NUDT3: variants seen among roughly 807,000 people sequenced by gnomAD.
The protein encoded by NUDT3 is diphosphoinositol polyphosphate phosphohydrolase 1.
NUDT3 carries 9 observed loss-of-function variants against 23.6 expected under a neutral mutation model. The ratio of observed to expected loss-of-function variants is 0.38; its 90% CI spans 0.23 to 0.66. The LOEUF is 0.66. Ranked by LOEUF, NUDT3 falls within the 30% of genes least tolerant of loss-of-function variation. The pLI is 0.52. For missense variants in NUDT3, 172 were observed against 218.5 expected, an observed-to-expected ratio of 0.79 and a Z score of 1.34; for synonymous variants, 86 against 82.6, an observed-to-expected ratio of 1.04 and a Z score of -0.22.
At chr6:34,297,550 G>GTT (rs59167136) in intron 2 of NUDT3, among the ~76,000 whole-genome samples, 2 of 131,344 alleles carry the variant, frequency 1.5e-5, no homozygotes, top group African/African-American at 2.8e-5. Context: ...AAAAGTCATT[G>GTT]TTTTTTTTTT....
chr6:34,380,919 TA>T (rs1388335459), intron 1 of NUDT3, among the ~76,000 whole-genome samples: 1 of 152,326 alleles, frequency 6.6e-6, no homozygotes, highest in East Asian at 1.9e-4. Context: ...GCCTGCTCCA[TA>T]AAGTCATCCC....
At chr6:34,321,064 A>ATG (rs1296411087) in intron 2 of NUDT3, among the ~76,000 whole-genome samples, 6 of 152,142 alleles carry the variant, frequency 3.9e-5, no homozygotes, top group African/African-American at 1.4e-4. Flanking sequence ...ATTATGTCAG[A>ATG]TGTGTGGGGT....
intron 2 of NUDT3, among the ~76,000 whole-genome samples, chr6:34,315,208 A>G (rs1763840625): frequency 6.6e-6 from 1 of 152,208 alleles, no homozygotes; most frequent in Non-Finnish European, 1.5e-5. Flanking sequence ...CTGGTTTTGA[A>G]TTCTTAAGTG....
intron 1 of NUDT3, among the ~76,000 whole-genome samples, chr6:34,361,631 C>A (rs1019753008): frequency 9.2e-5 from 14 of 152,134 alleles, no homozygotes. Context: ...ACCATGACGT[C>A]CTTCAGTAGG....
intron 2 of NUDT3, among the ~76,000 whole-genome samples, chr6:34,332,052 A>C (rs1007154539): frequency 6.6e-5 from 10 of 151,684 alleles, no homozygotes; most frequent in African/African-American, 2.4e-4. Flanking sequence ...TTTTTTTTAA[A>C]ATTTTTTGTT....
intron 2 of NUDT3, among the ~76,000 whole-genome samples, chr6:34,297,760 A>ATATATATGTATTTTT (rs1763535832): frequency 3.7e-5 from 2 of 53,650 alleles, no homozygotes; most frequent in Non-Finnish European, 6.2e-5. Flanking sequence ...TATATATATA[A>ATATATATGTATTTTT]TTTTTTTTTT....
At chr6:34,326,633 C>A (rs1476630762) in intron 2 of NUDT3, among the ~76,000 whole-genome samples, 1 of 151,340 alleles carries the variant, frequency 6.6e-6, no homozygotes, top group Non-Finnish European at 1.5e-5. Context: ...CGGAGTCTTG[C>A]TCTGCTGCCC....
chr6:34,309,654 T>C (rs1306936310), intron 2 of NUDT3, among the ~76,000 whole-genome samples: 1 of 151,912 alleles, frequency 6.6e-6, no homozygotes, highest in East Asian at 1.9e-4. Context: ...ATGTTTAAAA[T>C]ATGTAATAAA....
chr6:34,361,574 G>A (rs1474512952), intron 1 of NUDT3, among the ~76,000 whole-genome samples: 1 of 152,184 alleles, frequency 6.6e-6, no homozygotes, highest in Non-Finnish European at 1.5e-5. Flanking sequence ...ACCTGCACAT[G>A]TATGTTTATA....
intron 1 of NUDT3, among the ~76,000 whole-genome samples, chr6:34,355,785 T>C (rs966000749): frequency 1.3e-5 from 2 of 151,750 alleles, no homozygotes; most frequent in Admixed American, 6.6e-5. Context: ...CTTTAGTAGT[T>C]TGTATCTTTC....
chr6:34,284,703 A>C lies in NUDT3; in HGVS notation c.*4050T>G, dbSNP rs1295037061. On this transcript the variant is annotated 3_prime_UTR_variant, in exon 5 of 5. Transcript: ENST00000607016. ...GAAGGTTTAGCAGGAGCCTCCAATG[A>C]GCACTGTATGTAGAGAAAAGGGAAG... 1 of 152,182 alleles carries C rather than the reference A, an allele frequency of 6.6e-6. No homozygotes were observed. Among genetic ancestry groups the C allele is most frequent in the Non-Finnish European group, 1.5e-5 (1 of 68,040 alleles). 9.4% of individuals were successfully genotyped at this position (152,182 alleles called of 1,614,324 possible).
intron 1 of NUDT3, among the ~76,000 whole-genome samples, chr6:34,346,972 T>C (rs963088005): frequency 2.0e-5 from 3 of 152,186 alleles, no homozygotes; most frequent in Non-Finnish European, 2.9e-5. Flanking sequence ...TCTCACTATG[T>C]TGGCCAGGTT....
intron 1 of NUDT3, among the ~76,000 whole-genome samples, chr6:34,349,174 G>A (rs555764730): frequency 6.6e-6 from 1 of 152,144 alleles, no homozygotes; most frequent in Non-Finnish European, 1.5e-5. Context: ...CCCAATTTGA[G>A]TTTTAGAAAG....
chr6:34,355,868 T>C (rs1181965022), intron 1 of NUDT3, among the ~76,000 whole-genome samples: 3 of 152,156 alleles, frequency 2.0e-5, no homozygotes, highest in Non-Finnish European at 4.4e-5. Flanking sequence ...TGAAGGTCCC[T>C]AGAGGGTGGT....
intron 4 of NUDT3, among the ~76,000 whole-genome samples, chr6:34,289,432 T>C (rs552984296): frequency 1.3e-5 from 2 of 152,276 alleles, no homozygotes; most frequent in Admixed American, 1.3e-4. Flanking sequence ...CTGGGCATGG[T>C]AGCATGTGCC....
At chr6:34,388,829 T>C (rs1265687533) in intron 1 of NUDT3, among the ~76,000 whole-genome samples, 1 of 152,260 alleles carries the variant, frequency 6.6e-6, no homozygotes, top group Non-Finnish European at 1.5e-5. Flanking sequence ...TCATTTTATT[T>C]TTCTTCCCAG....
chr6:34,350,530 CATG>C (rs1489642967), intron 1 of NUDT3, among the ~76,000 whole-genome samples: 5 of 150,996 alleles, frequency 3.3e-5, no homozygotes, highest in Admixed American at 3.3e-4. Flanking sequence ...AAGTCTTGTG[CATG>C]ATGATCCCAT....
At chr6:34,302,136 A>C (rs1763607325) in intron 2 of NUDT3, among the ~76,000 whole-genome samples, 1 of 151,192 alleles carries the variant, frequency 6.6e-6, no homozygotes, top group African/African-American at 2.4e-5. Context: ...GGCTCAAGCG[A>C]TCCTCCTGCC....
At chr6:34,325,199 T>G in intron 2 of NUDT3, among the ~76,000 whole-genome samples, 1 of 152,130 alleles carries the variant, frequency 6.6e-6, no homozygotes, top group East Asian at 1.9e-4. Flanking sequence ...CATGATATGC[T>G]TTCACTGATT....
Sources: allele counts gnomAD v4.1 joint callset (sites outside exome capture counted in the v4.1 genomes callset), GRCh38; gene constraint gnomAD v4.1.1; transcripts MANE v1.5; gene names NCBI Gene and HGNC (gene_info 2026-07-23, HGNC 2026-07-21).